Variants in ABHD17C observed in about 807,000 individuals in gnomAD.
ABHD17C encodes the protein abhydrolase domain containing 17C, depalmitoylase, also known as alpha/beta hydrolase domain-containing protein 17C.
A neutral mutation model predicts 27.9 loss-of-function variants in ABHD17C; 11 were observed. That is an observed-to-expected ratio of 0.39 (90% CI 0.25 to 0.65). ABHD17C has a LOEUF of 0.65. ABHD17C is among the 30% of genes least tolerant of loss of function. The pLI, the probability that ABHD17C is intolerant of heterozygous loss-of-function variation, is 0.45. For synonymous variants in ABHD17C, 233 were observed against 209.1 expected (o/e 1.11, Z -0.98); for missense variants, 280 against 470.2 (o/e 0.60, Z 3.74).
intron 1 of ABHD17C, among the ~76,000 whole-genome samples, chr15:80,743,924 C>T (rs970036781): frequency 4.6e-5 from 7 of 152,202 alleles, no homozygotes; most frequent in African/African-American, 7.2e-5. Context: ...TCCAAAAATA[C>T]TGCCTTGTTC....
In ABHD17C at chr15:80,707,749, G is replaced by A. The variant is rs146209484; in HGVS notation, c.590+11730G>A. ...TGTGGTTTGGGAGGGTCAGGGTTTT[G>A]GTGGGGAGGGGCAGAGAGGCTTCCT... On this transcript the variant is annotated intron_variant, in intron 1 of 2. Transcript: ENST00000258884. Among the ~76,000 whole-genome samples, 22 of 152,246 alleles carry A rather than the reference G, an allele frequency of 1.4e-4. No individual in the cohort carries two copies. In the East Asian group the frequency reaches 4.2e-3, roughly 29 times the overall value.
At chr15:80,737,299 C>T (rs1895144476) in intron 1 of ABHD17C, among the ~76,000 whole-genome samples, 1 of 152,168 alleles carries the variant, frequency 6.6e-6, no homozygotes, top group Admixed American at 6.5e-5. Context: ...TTAATGCTTG[C>T]ATGCTTACTA....
chr15:80,716,117 G>A (rs1213669286), intron 1 of ABHD17C, among the ~76,000 whole-genome samples: 1 of 152,156 alleles, frequency 6.6e-6, no homozygotes, highest in Non-Finnish European at 1.5e-5. Context: ...TTAAAAGTCA[G>A]TCTGATGTGT....
At chr15:80,713,189 C>T (rs188612997) in intron 1 of ABHD17C, among the ~76,000 whole-genome samples, 19 of 151,814 alleles carry the variant, frequency 1.3e-4, no homozygotes, top group African/African-American at 4.4e-4. Context: ...AGCTCTCAGG[C>T]GCAGTGATGA....
At chr15:80,730,724 G>C (rs1895046659) in intron 1 of ABHD17C, among the ~76,000 whole-genome samples, 1 of 152,180 alleles carries the variant, frequency 6.6e-6, no homozygotes, top group South Asian at 2.1e-4. Flanking sequence ...CGATTTTACA[G>C]GCTTGTGTTG....
chr15:80,703,648 C>T (rs1011795442), intron 1 of ABHD17C, among the ~76,000 whole-genome samples: 12 of 152,022 alleles, frequency 7.9e-5, no homozygotes, highest in African/African-American at 1.9e-4. Context: ...TATGAGTGTG[C>T]GTGTGTGCAC....
chr15:80,732,121 T>C (rs779773119), intron 1 of ABHD17C, among the ~76,000 whole-genome samples: 1 of 152,200 alleles, frequency 6.6e-6, no homozygotes, highest in South Asian at 2.1e-4. Context: ...GGGGTGGTGA[T>C]AACTAATGTG....
At chr15:80,748,295 T>C (rs369754174) in intron 1 of ABHD17C, among the ~76,000 whole-genome samples, 145 of 152,338 alleles carry the variant, frequency 9.5e-4, no homozygotes, top group African/African-American at 3.4e-3. Flanking sequence ...TAAGCTGCAA[T>C]ACGTATTTAT....
At chr15:80,729,506 T>A (rs8037174) in intron 1 of ABHD17C, among the ~76,000 whole-genome samples, 46,779 of 152,012 alleles carry the variant, frequency 0.31, 9,047 homozygotes, top group East Asian at 0.62. Flanking sequence ...GGAAAGCATT[T>A]GTTAATACTG....
chr15:80,700,679 C>G (rs1376722206), intron 1 of ABHD17C, among the ~76,000 whole-genome samples: 1 of 152,146 alleles, frequency 6.6e-6, no homozygotes, highest in Admixed American at 6.6e-5. Flanking sequence ...AGGAGGATCA[C>G]TTGAGCCCAG....
intron 1 of ABHD17C, among the ~76,000 whole-genome samples, chr15:80,706,083 T>A (rs1050229615): frequency 6.6e-6 from 1 of 152,234 alleles, no homozygotes; most frequent in African/African-American, 2.4e-5. Flanking sequence ...GCTCTTTACT[T>A]ATGAGACGAT....
At chr15:80,698,485 G>A (rs1894528519) in intron 1 of ABHD17C, among the ~76,000 whole-genome samples, 2 of 152,222 alleles carry the variant, frequency 1.3e-5, no homozygotes, top group South Asian at 2.1e-4. Flanking sequence ...TAGACTGGCG[G>A]CAAATCAGCA....
Position 80,714,125 on chromosome 15 carries a change from T to C in ABHD17C, c.590+18106T>C, listed in dbSNP as rs145274955. On this transcript the variant is annotated intron_variant, in intron 1 of 2. Coordinates refer to ENST00000258884, the MANE Select transcript of ABHD17C (RefSeq NM_021214.2). Reference sequence around the variant, plus strand: ...CAGGGCACCTCACCTGGCTAATTTTTGTATTTTTTTGTAGAGAAGAGATTT... The same window carrying C: ...CAGGGCACCTCACCTGGCTAATTTTCGTATTTTTTTGTAGAGAAGAGATTT... Among the ~76,000 whole-genome samples, 741 of 152,172 alleles carry C rather than the reference T, an allele frequency of 4.9e-3. 6 individuals carry two copies. The highest frequency in any genetic ancestry group is 0.017 in the African/African-American group (708 of 41,512).
In ABHD17C at chr15:80,695,916, A is replaced by G. The variant is rs533550000; in HGVS notation, c.487A>G (p.Ile163Val). The G allele has an allele frequency of 6.3e-7, 1 of 1,597,436 alleles. No homozygotes were observed. Among genetic ancestry groups the G allele is most frequent in the South Asian group, 1.1e-5 (1 of 90,846 alleles). ...IGLGSRINCN[I>V]FSYDYSGYGV... ...CCTCGGCTCCCGCATCAACTGCAAC[A>G]TCTTCTCCTACGACTACTCGGGATA... Residue 163 changes from isoleucine to valine, a missense_variant, in exon 1 of 3, where the codon ATC (isoleucine) becomes GTC (valine). This residue lies in a region of ABHD17C where 206 missense variants were observed against 394.7 expected (regional missense o/e 0.52). Coordinates refer to ENST00000258884, the MANE Select transcript of ABHD17C (RefSeq NM_021214.2). The surrounding 1 kb of genome is among the most constrained non-coding windows in gnomAD (Gnocchi z 4.3).
At position 80,740,191 on chromosome 15, in the gene ABHD17C, T is replaced by C. The variant is rs1309957992; in HGVS notation, c.591-9322T>C. ...TCATTACTTACTTTTCTGTGACTTC[T>C]CCCTGCCGGTCTTCCACTTGCAACA... On this transcript the variant is annotated intron_variant, in intron 1 of 2. Coordinates refer to ENST00000258884, the MANE Select transcript of ABHD17C (RefSeq NM_021214.2). Among the ~76,000 whole-genome samples, 8 of 152,130 alleles carry C rather than the reference T, an allele frequency of 5.3e-5. No homozygotes were observed. In the East Asian group the frequency reaches 1.4e-3, roughly 26 times the overall value.
chr15:80,696,104 C>T, intron 1 of ABHD17C, 85 bp downstream of exon 1: 1 of 1,367,052 alleles, frequency 7.3e-7, no homozygotes, highest in Non-Finnish European at 9.9e-7. Context: ...GGCGGCCTGC[C>T]AGGAGAGGGG....
chr15:80,730,369 G>A (rs2141510341), intron 1 of ABHD17C, among the ~76,000 whole-genome samples: 1 of 152,288 alleles, frequency 6.6e-6, no homozygotes, highest in East Asian at 1.9e-4. Context: ...AGTTCCTGCT[G>A]GGTGGATGGG....
intron 1 of ABHD17C, among the ~76,000 whole-genome samples, chr15:80,720,130 C>G (rs976362466): frequency 6.6e-6 from 1 of 152,110 alleles, no homozygotes; most frequent in African/African-American, 2.4e-5. Context: ...AGAAAAGGAT[C>G]GTGGGGTTTC....
chr15:80,730,545 G>A (rs574136019), intron 1 of ABHD17C, among the ~76,000 whole-genome samples: 1 of 152,322 alleles, frequency 6.6e-6, no homozygotes, highest in Admixed American at 6.5e-5. Flanking sequence ...CTTGTATGAG[G>A]CCTCTCCATT....
Sources: gnomAD v4.1 joint callset for allele counts (sites outside exome capture counted in the v4.1 genomes callset) on GRCh38, gnomAD v4.1.1 for gene constraint, gnomAD v4.1.1 regional missense constraint, Gnocchi (gnomAD v3.1) non-coding constraint, MANE v1.5 for transcripts, NCBI Gene and HGNC (gene_info 2026-07-23, HGNC 2026-07-21) for gene names.